Variants in GPC5 observed in about 807,000 individuals in gnomAD.
GPC5 encodes glypican-5.
A neutral mutation model predicts 53.9 loss-of-function variants in GPC5; 47 were observed. The observed-to-expected ratio is 0.87, with a 90% CI of 0.69 to 1.11. The LOEUF (loss-of-function observed/expected upper bound fraction) is 1.11. GPC5 is among the 50% of genes most tolerant of loss of function. The pLI, the probability that GPC5 is intolerant of heterozygous loss-of-function variation, is 0.00. For missense variants in GPC5, 748 were observed against 713.1 expected (o/e 1.05, Z -0.56); for synonymous variants, 286 against 263.3 (o/e 1.09, Z -0.84).
chr13:92,114,660 C>T (rs1159088858), intron 6 of GPC5, among the ~76,000 whole-genome samples: 2 of 152,136 alleles, frequency 1.3e-5, no homozygotes, highest in Non-Finnish European at 2.9e-5. Context: ...TGTCCCATTC[C>T]CTGATTAGGT....
intron 7 of GPC5, among the ~76,000 whole-genome samples, chr13:92,637,123 A>G (rs770644431): frequency 4.6e-5 from 7 of 152,150 alleles, no homozygotes; most frequent in Non-Finnish European, 1.0e-4. Flanking sequence ...GGAATGTAGT[A>G]TCTCCTAATA....
intron 2 of GPC5, among the ~76,000 whole-genome samples, chr13:91,666,547 A>G (rs1047323687): frequency 6.6e-6 from 1 of 152,144 alleles, no homozygotes; most frequent in African/African-American, 2.4e-5. Flanking sequence ...TTTCATTTAC[A>G]TATTAGTTTT....
chr13:92,446,741 C>A (rs957700080), intron 7 of GPC5: 1 of 152,112 alleles, frequency 6.6e-6, no homozygotes. Context: ...AATATACATT[C>A]CCACCAACAG....
At chr13:91,827,906 A>T (rs1416437052) in intron 5 of GPC5, among the ~76,000 whole-genome samples, 1 of 152,074 alleles carries the variant, frequency 6.6e-6, no homozygotes, top group Non-Finnish European at 1.5e-5. Flanking sequence ...CAGCATCATT[A>T]TTCAAAATAA....
intron 7 of GPC5, among the ~76,000 whole-genome samples, chr13:92,526,650 G>A (rs954381812): frequency 2.0e-5 from 3 of 151,894 alleles, no homozygotes; most frequent in African/African-American, 7.2e-5. Flanking sequence ...GGATGTTTTA[G>A]GGGGATGGAT....
intron 7 of GPC5, among the ~76,000 whole-genome samples, chr13:92,814,660 C>CAA (rs943245807): frequency 1.6e-5 from 2 of 128,114 alleles, no homozygotes; most frequent in African/African-American, 5.9e-5. Flanking sequence ...GACTCTGTCT[C>CAA]AAAAAAAAAA....
At chr13:92,303,776 ATATT>A (rs1440081777) in intron 7 of GPC5, among the ~76,000 whole-genome samples, 1 of 152,216 alleles carries the variant, frequency 6.6e-6, no homozygotes, top group Non-Finnish European at 1.5e-5. Context: ...AGTGTTTGAT[ATATT>A]AATCCATCAT....
intron 7 of GPC5, among the ~76,000 whole-genome samples, chr13:92,829,773 T>C (rs1566436042): frequency 6.6e-6 from 1 of 152,176 alleles, no homozygotes. Context: ...GAGTCAAATC[T>C]CTATTATTTT....
At chr13:92,018,037 A>G (rs1463761459) in intron 6 of GPC5, among the ~76,000 whole-genome samples, 1 of 151,906 alleles carries the variant, frequency 6.6e-6, no homozygotes, top group African/African-American at 2.4e-5. Flanking sequence ...CACACACACA[A>G]GCTTCCACAA....
At chr13:92,598,258 G>T (rs1031091580) in intron 7 of GPC5, among the ~76,000 whole-genome samples, 4 of 152,196 alleles carry the variant, frequency 2.6e-5, no homozygotes, top group Non-Finnish European at 5.9e-5. Flanking sequence ...CACAGTCAAG[G>T]TATGGAATAT....
intron 6 of GPC5, among the ~76,000 whole-genome samples, chr13:91,933,625 A>G (rs1331647718): frequency 6.6e-6 from 1 of 151,958 alleles, no homozygotes; most frequent in Non-Finnish European, 1.5e-5. Context: ...TTTCTCAGGT[A>G]TTAGCTAGGG....
At chr13:91,861,425 G>T (rs993928615) in intron 5 of GPC5, among the ~76,000 whole-genome samples, 27 of 151,866 alleles carry the variant, frequency 1.8e-4, no homozygotes, top group African/African-American at 6.3e-4. Context: ...GCATATTATT[G>T]TCCTCTCATG....
chr13:91,892,757 A>G (rs2039400929), intron 5 of GPC5, among the ~76,000 whole-genome samples: 1 of 151,926 alleles, frequency 6.6e-6, no homozygotes, highest in South Asian at 2.1e-4. Context: ...TTAGCAATTT[A>G]TGTTTCAGTT....
intron 7 of GPC5, among the ~76,000 whole-genome samples, chr13:92,434,066 T>C (rs892165391): frequency 3.9e-5 from 6 of 152,218 alleles, no homozygotes; most frequent in Non-Finnish European, 8.8e-5. Flanking sequence ...ACCACTATGC[T>C]GTAGTCCCAG....
At chr13:92,257,546 A>ATTTTTTTTTGTTTTTTTTTTTTTTTTTTT (rs2042735318) in intron 7 of GPC5, among the ~76,000 whole-genome samples, 2 of 72,966 alleles carry the variant, frequency 2.7e-5, no homozygotes, top group African/African-American at 7.7e-5. Context: ...TAATACAGGG[A>ATTTTTTTTTGTTTTTTTTTTTTTTTTTTT]TTTTTTTTTT....
At position 91,767,308 on chromosome 13, in the gene GPC5, G is replaced by A. The variant is rs368821372; in HGVS notation, c.1280+10888G>A. 1.4e-3 allele frequency among the ~76,000 whole-genome samples: 219 copies of A among 152,342 alleles called. 1 individual carries two copies. The Middle Eastern group carries it at 0.037, about 26-fold the overall frequency. ...AGATACTCCAAACTGGAGAGTGATAGTCACTTGAACCCATGCACTATATCA... is the reference window on the plus strand; with the variant it reads ...AGATACTCCAAACTGGAGAGTGATAATCACTTGAACCCATGCACTATATCA... On this transcript the variant is annotated intron_variant, in intron 5 of 7. Coordinates refer to ENST00000377067, the MANE Select transcript of GPC5 (RefSeq NM_004466.6).
intron 5 of GPC5, among the ~76,000 whole-genome samples, chr13:91,828,241 T>C (rs551672949): frequency 8.5e-4 from 129 of 152,176 alleles, no homozygotes; most frequent in Admixed American, 2.0e-3. Context: ...ACTCATTGAA[T>C]GGTACATTTA....
At chr13:91,681,141 A>G (rs2035499317) in intron 2 of GPC5, among the ~76,000 whole-genome samples, 1 of 152,286 alleles carries the variant, frequency 6.6e-6, no homozygotes, top group East Asian at 1.9e-4. Flanking sequence ...ACTGAGCTAC[A>G]TATGTAAATG....
intron 7 of GPC5, among the ~76,000 whole-genome samples, chr13:92,531,629 A>G (rs1304445258): frequency 6.6e-6 from 1 of 152,106 alleles, no homozygotes; most frequent in Non-Finnish European, 1.5e-5. Context: ...TCCCCACACC[A>G]CATGCTCTGC....
Sources: allele counts gnomAD v4.1 joint callset (sites outside exome capture counted in the v4.1 genomes callset), GRCh38; gene constraint gnomAD v4.1.1; transcripts MANE v1.5; gene names NCBI Gene and HGNC (gene_info 2026-07-23, HGNC 2026-07-21).